CARD8: variants seen among roughly 807,000 people sequenced by gnomAD.
The protein encoded by CARD8 is caspase recruitment domain family member 8.
Under a neutral mutation model 53.2 loss-of-function variants are expected in CARD8, and 38 were observed. The observed-to-expected ratio is 0.71, with a 90% CI of 0.55 to 0.94. The LOEUF is 0.94. Ranked by LOEUF, CARD8 falls within the 40% of genes least tolerant of loss-of-function variation. The pLI is 0.00. For missense variants in CARD8, 561 were observed against 655.5 expected (o/e 0.86, Z 1.57); for synonymous variants, 245 against 244.9 (o/e 1.00, Z 0.00).
chr19:48,233,209 T>C (rs1305667769), intron 6 of CARD8: 9 of 395,842 alleles, frequency 2.3e-5, no homozygotes, highest in African/African-American at 8.3e-5. Flanking sequence ...TTCTATGACA[T>C]ACAGCGTGAG....
intron 10 of CARD8, among the ~76,000 whole-genome samples, chr19:48,224,996 G>A (rs1203561031): frequency 4.6e-5 from 7 of 151,532 alleles, no homozygotes; most frequent in Non-Finnish European, 8.8e-5. Context: ...CTCGTGATCC[G>A]CCCACCTCGG....
chr19:48,250,929 T>C (rs2046861037), intron 1 of CARD8, among the ~76,000 whole-genome samples: 1 of 152,142 alleles, frequency 6.6e-6, no homozygotes, highest in African/African-American at 2.4e-5. Context: ...TTAAGAGCAA[T>C]ATGAGATTTT....
At chr19:48,236,159 T>C (rs1276237347) in intron 5 of CARD8, among the ~76,000 whole-genome samples, 1 of 152,236 alleles carries the variant, frequency 6.6e-6, no homozygotes, top group Non-Finnish European at 1.5e-5. Flanking sequence ...TGTAGTCCAG[T>C]TGACCAGAGG....
intron 4 of CARD8, among the ~76,000 whole-genome samples, chr19:48,239,978 C>A (rs2044663768): frequency 6.6e-6 from 1 of 152,166 alleles, no homozygotes; most frequent in Non-Finnish European, 1.5e-5. Context: ...CATGAGGGAA[C>A]TAATTCCATT....
intron 5 of CARD8, 62 bp from the exon 6 acceptor site, chr19:48,234,605 G>C: frequency 6.8e-7 from 1 of 1,468,264 alleles, no homozygotes. Flanking sequence ...GATAGCATAG[G>C]CTGTGCAGGA....
chr19:48,224,103 A>G (rs1262503823), intron 10 of CARD8, among the ~76,000 whole-genome samples: 1 of 152,214 alleles, frequency 6.6e-6, no homozygotes, highest in East Asian at 1.9e-4. Flanking sequence ...CTGGGATTAC[A>G]GGCGCATGCC....
chr19:48,234,371 C>T (rs2043469929), intron 6 of CARD8, 32 bp downstream of exon 6: 1 of 1,593,478 alleles, frequency 6.3e-7, no homozygotes, highest in Non-Finnish European at 8.5e-7. Flanking sequence ...ACACAGCGTC[C>T]AATAGTTTTC....
intron 5 of CARD8, 55 bp from the exon 6 acceptor site, chr19:48,234,598 A>G: frequency 2.0e-6 from 3 of 1,497,558 alleles, no homozygotes; most frequent in Non-Finnish European, 2.7e-6. Context: ...GCCTGATGAT[A>G]GCATAGGCTG....
At chr19:48,212,072 T>G in intron 13 of CARD8, 97 bp from the exon 14 acceptor site, 3 of 1,142,914 alleles carry the variant, frequency 2.6e-6, no homozygotes, top group South Asian at 1.5e-5. Flanking sequence ...GGTGGGAGAT[T>G]GCTCCTTGTG....
chr19:48,239,665 G>A (rs1297698350), intron 4 of CARD8, among the ~76,000 whole-genome samples: 2 of 151,894 alleles, frequency 1.3e-5, no homozygotes, highest in African/African-American at 4.8e-5. Flanking sequence ...TAGTAGAGAT[G>A]GGGTTTCACC....
In CARD8 at chr19:48,210,068, C is replaced by T. The variant is rs372965243; in HGVS notation, c.*1642G>A. 4 of 151,002 alleles carry T rather than the reference C, an allele frequency of 2.6e-5. No individual in the cohort carries two copies. The highest frequency in any genetic ancestry group is 3.9e-4 in the East Asian group (2 of 5,098). The allele number at this position is 151,002 out of a possible 1,614,324, so 9.4% of individuals were successfully genotyped here. On this transcript the variant is annotated 3_prime_UTR_variant, in exon 14 of 14. Coordinates refer to ENST00000651546, the MANE Select transcript of CARD8 (RefSeq NM_001184900.3). ...GGAATAAAACAAGGAAACTCATCCCCAACATAATGAAATGGCTAAAAACTA... is the reference window on the plus strand; with the variant it reads ...GGAATAAAACAAGGAAACTCATCCCTAACATAATGAAATGGCTAAAAACTA...
At chr19:48,215,286 G>C in intron 13 of CARD8, 54 bp downstream of exon 13, 1 of 1,307,484 alleles carries the variant, frequency 7.6e-7, no homozygotes, top group South Asian at 1.2e-5. Flanking sequence ...GTCACTCAAA[G>C]ACCCCTTGAT....
intron 1 of CARD8, among the ~76,000 whole-genome samples, chr19:48,253,518 G>T (rs10403848): frequency 6.6e-6 from 1 of 151,996 alleles, no homozygotes; most frequent in Admixed American, 6.6e-5. Context: ...CAATATGAAT[G>T]TCAGACAAAT....
At chr19:48,240,440 A>G (rs901876956) in intron 4 of CARD8, among the ~76,000 whole-genome samples, 2 of 152,214 alleles carry the variant, frequency 1.3e-5, no homozygotes, top group African/African-American at 4.8e-5. Flanking sequence ...AAGGTCTAAA[A>G]AGGTCAGAAA....
chr19:48,225,260 G>A (rs2041528930), intron 10 of CARD8, among the ~76,000 whole-genome samples: 2 of 151,960 alleles, frequency 1.3e-5, no homozygotes, highest in Admixed American at 1.3e-4. Flanking sequence ...GGAGGCTGAG[G>A]TGGGCAGATC....
At chr19:48,237,751 C>T (rs900623639) in intron 5 of CARD8, among the ~76,000 whole-genome samples, 6 of 151,234 alleles carry the variant, frequency 4.0e-5, no homozygotes, top group East Asian at 2.0e-4. Flanking sequence ...GAGCCAAGAT[C>T]GTGCCACTGC....
intron 1 of CARD8, among the ~76,000 whole-genome samples, chr19:48,254,898 A>C (rs2047404638): frequency 6.6e-6 from 1 of 152,234 alleles, no homozygotes; most frequent in Admixed American, 6.5e-5. Context: ...CTGCCCAGCA[A>C]CTGCTGGTCC....
At chr19:48,223,390 A>G (rs533795449) in intron 10 of CARD8, among the ~76,000 whole-genome samples, 76 of 152,278 alleles carry the variant, frequency 5.0e-4, no homozygotes, top group African/African-American at 1.6e-3. Context: ...TGGGCCTGGG[A>G]AATCAAATAA....
At chr19:48,224,520 A>G (rs770485765) in intron 10 of CARD8, among the ~76,000 whole-genome samples, 3 of 152,184 alleles carry the variant, frequency 2.0e-5, no homozygotes, top group Non-Finnish European at 4.4e-5. Context: ...CGGCCATTCA[A>G]GCCTATAGCT....
Sources: gnomAD v4.1 joint callset for allele counts (sites outside exome capture counted in the v4.1 genomes callset) on GRCh38, gnomAD v4.1.1 for gene constraint, MANE v1.5 for transcripts, NCBI Gene and HGNC (gene_info 2026-07-23, HGNC 2026-07-21) for gene names.